The following CMTM4 variants were observed in gnomAD, a reference collection of about 807,000 sequenced individuals.
CMTM4 encodes the protein CKLF like MARVEL transmembrane domain containing 4.
A neutral mutation model predicts 19.0 loss-of-function variants in CMTM4; 8 were observed. The observed-to-expected ratio is 0.42, with a 90% CI of 0.25 to 0.76. The LOEUF (loss-of-function observed/expected upper bound fraction) is 0.76, where lower values mean the gene tolerates loss of function less well. Among genes scored for constraint, CMTM4 ranks in the 30% least tolerant of loss-of-function variants. The pLI, the probability that CMTM4 is intolerant of heterozygous loss-of-function variation, is 0.27. For missense variants in CMTM4, 228 were observed against 290.2 expected (o/e 0.79, Z 1.56); for synonymous variants, 106 against 121.1 (o/e 0.88, Z 0.82).
chr16:66,620,576 A>AC lies in CMTM4; in HGVS notation c.*1481dup, dbSNP rs1265960560. On this transcript the variant is annotated 3_prime_UTR_variant, in exon 4 of 4. Transcript: ENST00000394106. ...CATAAGGTGACGCTTTCTTGCACAG[A>AC]CCCCCCGCCGCCCCCTCGGAGTTAT... 5 of 983,724 alleles carry AC rather than the reference A, an allele frequency of 5.1e-6. No individual in the cohort carries two copies. The highest frequency in any genetic ancestry group is 1.8e-5 in the African/African-American group (1 of 56,572). 60.9% of individuals were successfully genotyped at this position (983,724 alleles called of 1,614,324 possible).
intron 1 of CMTM4, among the ~76,000 whole-genome samples, chr16:66,648,363 T>C (rs2016245353): frequency 6.6e-6 from 1 of 152,220 alleles, no homozygotes. Context: ...AAAATATTTT[T>C]CCTGGATCTG....
downstream of CMTM4, chr16:66,610,209 C>A: frequency 1.5e-6 from 1 of 663,682 alleles, no homozygotes; most frequent in Non-Finnish European, 2.5e-6. This position sits in a 1 kb window ranked among gnomAD's most constrained non-coding sequence, Gnocchi z 4.6. Flanking sequence ...CCCAGCCTTT[C>A]TAGGAGGGGC....
chr16:66,696,587 C>T lies in CMTM4; in HGVS notation c.-62G>A. On this transcript the variant is annotated 5_prime_UTR_variant, in exon 1 of 4. It removes the in-frame stop codon of an upstream open reading frame in the 5' UTR. Transcript: ENST00000394106. This position sits in a 1 kb window ranked among gnomAD's most constrained non-coding sequence, Gnocchi z 4.3. Reference sequence around the variant, plus strand: ...TCCCGGCGCCAGGAGCGGGCGGACTCAGCGGGGCCGCCGCATCGCCGCCGC... The same window carrying T: ...TCCCGGCGCCAGGAGCGGGCGGACTTAGCGGGGCCGCCGCATCGCCGCCGC... 3.9e-6 allele frequency: 4 copies of T among 1,037,710 alleles called. No homozygotes were observed. The highest frequency in any genetic ancestry group is 4.7e-6 in the Non-Finnish European group (4 of 852,868). 64.3% of individuals were successfully genotyped at this position (1,037,710 alleles called of 1,614,324 possible).
At chr16:66,601,876 G>A in the CMTM4 span, among the ~76,000 whole-genome samples, 1 of 152,198 alleles carries the variant, frequency 6.6e-6, no homozygotes, top group African/African-American at 2.4e-5. Flanking sequence ...GGGGGTCCCA[G>A]GGCTCCTGTC....
At chr16:66,668,634 T>C (rs965140648) in intron 1 of CMTM4, among the ~76,000 whole-genome samples, 1 of 152,160 alleles carries the variant, frequency 6.6e-6, no homozygotes. Context: ...TAGAATGTCA[T>C]ATATTTTAGG....
chr16:66,613,540 C>T (rs1411754887), downstream of CMTM4: 3 of 170,048 alleles, frequency 1.8e-5, no homozygotes, highest in East Asian at 1.6e-4. Flanking sequence ...ACGATTTATA[C>T]TGTGTATCTG....
At position 66,616,984 on chromosome 16, in the gene CMTM4, T is replaced by A. The variant is rs1265576098; in HGVS notation, c.*5074A>T. The A allele has an allele frequency of 4.1e-6, 1 of 242,672 alleles. No homozygotes were observed. The highest frequency in any genetic ancestry group is 2.3e-5 in the African/African-American group (1 of 44,376). 15.0% of individuals were successfully genotyped at this position (242,672 alleles called of 1,614,324 possible). ...CACCATCTCTCTTTTCAGGCAGTTATGAAAAGAAACTCTGACCTGGCCCTA... is the reference window on the plus strand; with the variant it reads ...CACCATCTCTCTTTTCAGGCAGTTAAGAAAAGAAACTCTGACCTGGCCCTA... On this transcript the variant is annotated 3_prime_UTR_variant, in exon 4 of 4. Coordinates refer to ENST00000394106, the MANE Select transcript of CMTM4 (RefSeq NM_181521.3).
chr16:66,665,111 T>C (rs116911056), intron 1 of CMTM4, among the ~76,000 whole-genome samples: 10,814 of 151,644 alleles, frequency 0.071, 542 homozygotes, highest in Admixed American at 0.096. Context: ...GCCCAGCTAA[T>C]TGTTTTGGTA....
chr16:66,618,869 C>G lies in CMTM4; in HGVS notation c.*3189G>C, dbSNP rs544916247. 1 of 985,408 alleles carries G rather than the reference C, an allele frequency of 1.0e-6. No homozygotes were observed. The highest frequency in any genetic ancestry group is 4.7e-5 in the South Asian group (1 of 21,298). The allele number at this position is 985,408 out of a possible 1,614,324, so 61.0% of individuals were successfully genotyped here. A position where few individuals can be genotyped will look rare whatever the true frequency, so the allele number is the denominator to read the frequency against. On this transcript the variant is annotated 3_prime_UTR_variant, in exon 4 of 4. Coordinates refer to ENST00000394106, the MANE Select transcript of CMTM4 (RefSeq NM_181521.3). ...CCTGCCAGGGGACAGTAACAGGGCC[C>G]GAAGGGCTGGGGGTGCCGCTGGCTT...
At chr16:66,600,449 G>T in the CMTM4 span, among the ~76,000 whole-genome samples, 29 of 152,022 alleles carry the variant, frequency 1.9e-4, no homozygotes, top group Admixed American at 5.9e-4. Flanking sequence ...CCAGCCCAGG[G>T]CCACGTTTTT....
At chr16:66,683,161 GTATATATATATATACATATGTATATATA>G (rs1186211087) in intron 1 of CMTM4, among the ~76,000 whole-genome samples, 3 of 81,504 alleles carry the variant, frequency 3.7e-5, no homozygotes, top group African/African-American at 1.3e-4. Context: ...ATATATATAC[GTATATATATATATACATATGTATATATA>G]TATACATATA....
At chr16:66,694,186 G>C (rs1198027044) in intron 1 of CMTM4, among the ~76,000 whole-genome samples, 2 of 152,060 alleles carry the variant, frequency 1.3e-5, no homozygotes, top group Non-Finnish European at 2.9e-5. Flanking sequence ...TCCATCCCTG[G>C]ACTTAGGTGA....
chr16:66,661,755 C>A (rs1226851693), intron 1 of CMTM4, among the ~76,000 whole-genome samples: 1 of 151,852 alleles, frequency 6.6e-6, no homozygotes, highest in African/African-American at 2.4e-5. Context: ...CACGGTGAAA[C>A]CCCCATCTCT....
the CMTM4 span, chr16:66,608,479 C>A: frequency 7.4e-6 from 12 of 1,612,862 alleles, no homozygotes; most frequent in Admixed American, 1.7e-4. This position sits in a 1 kb window ranked among gnomAD's most constrained non-coding sequence, Gnocchi z 5.1. Flanking sequence ...GGACAGGGGC[C>A]CCAGGAGGGA....
rs1464456272 is a variant in CMTM4, at chr16:66,615,744, G to A, written c.*6314C>T. The A allele has an allele frequency of 6.6e-6, 1 of 152,236 alleles. No homozygotes were observed. Among genetic ancestry groups the A allele is most frequent in the African/African-American group, 2.4e-5 (1 of 41,444 alleles). 9.4% of individuals were successfully genotyped at this position (152,236 alleles called of 1,614,324 possible). Reference sequence around the variant, plus strand: ...CAGTTCACCAGCCCAAACCACAGGGGAAGGAGCCGGACACCGGCCTCTCAC... The same window carrying A: ...CAGTTCACCAGCCCAAACCACAGGGAAAGGAGCCGGACACCGGCCTCTCAC... On this transcript the variant is annotated 3_prime_UTR_variant, in exon 4 of 4. Transcript: ENST00000394106. The surrounding 1 kb of genome is among the most constrained non-coding windows in gnomAD (Gnocchi z 4.9).
the CMTM4 span, chr16:66,604,815 C>T: frequency 7.8e-6 from 10 of 1,281,870 alleles, no homozygotes; most frequent in East Asian, 3.2e-4. Flanking sequence ...CATGTGGCCC[C>T]CAGACCCCGA....
At chr16:66,676,573 A>C (rs1276835074) in intron 1 of CMTM4, among the ~76,000 whole-genome samples, 1 of 152,158 alleles carries the variant, frequency 6.6e-6, no homozygotes, top group Admixed American at 6.5e-5. Flanking sequence ...GCGCACAATA[A>C]CTTCACGATC....
intron 2 of CMTM4, among the ~76,000 whole-genome samples, chr16:66,626,442 T>C (rs987077465): frequency 1.3e-5 from 2 of 152,012 alleles, no homozygotes; most frequent in African/African-American, 4.8e-5. Context: ...CCATCTCTAC[T>C]AAAACACAAA....
the CMTM4 span, among the ~76,000 whole-genome samples, chr16:66,601,483 A>G: frequency 6.6e-6 from 1 of 152,162 alleles, no homozygotes; most frequent in Non-Finnish European, 1.5e-5. Flanking sequence ...TATGGGCCTC[A>G]GAGTGGAGGA....
Sources: allele counts gnomAD v4.1 joint callset (sites outside exome capture counted in the v4.1 genomes callset), GRCh38; gene constraint gnomAD v4.1.1; non-coding constraint Gnocchi (gnomAD v3.1); transcripts MANE v1.5; gene names NCBI Gene and HGNC (gene_info 2026-07-23, HGNC 2026-07-21).